DPP8: variants seen among roughly 807,000 people sequenced by gnomAD.
The protein encoded by DPP8 is DPP VIII.
Under a neutral mutation model 107.5 loss-of-function variants are expected in DPP8, and 31 were observed. The observed-to-expected ratio is 0.29, with a 90% CI of 0.22 to 0.39. The LOEUF is 0.39. Ranked by LOEUF, DPP8 falls within the 10% of genes least tolerant of loss-of-function variation. The probability of loss-of-function intolerance (pLI) is 1.00; values close to 1 mark genes in which losing one functional copy is unlikely to be tolerated. For missense variants in DPP8, 842 were observed against 1,076.1 expected (o/e 0.78, Z 3.04); for synonymous variants, 381 against 356.6 (o/e 1.07, Z -0.77).
intron 11 of DPP8, among the ~76,000 whole-genome samples, chr15:65,474,775 T>C (rs950915015): frequency 6.6e-6 from 1 of 152,250 alleles, no homozygotes; most frequent in African/African-American, 2.4e-5. Flanking sequence ...TATTTTTAAA[T>C]GGTTAACTTA....
intron 15 of DPP8, among the ~76,000 whole-genome samples, chr15:65,460,736 G>T: frequency 6.6e-6 from 1 of 152,188 alleles, no homozygotes; most frequent in South Asian, 2.1e-4. Context: ...TTCATCTGTT[G>T]ATGGACACGT....
In DPP8 at chr15:65,467,105, T is replaced by G; in HGVS notation, c.1655A>C (p.Asp552Ala). ...VNPGEVTRLT[D>A]RGYSHSCCIS... ...GCAGCAAGAATGTGAGTAGCCACGG[T>G]CAGTCAGCCTTGTCACCTCTCCAGG... The change falls in exon 13 of 20, where the codon GAC (aspartate) becomes GCC (alanine). Residue 552 changes from aspartate to alanine, a missense_variant. Coordinates refer to ENST00000300141, the MANE Select transcript of DPP8 (RefSeq NM_130434.5). The G allele has an allele frequency of 6.2e-7, 1 of 1,614,178 alleles. No individual in the cohort carries two copies. The highest frequency in any genetic ancestry group is 8.5e-7 in the Non-Finnish European group (1 of 1,180,026).
At chr15:65,492,098 T>C (rs2068095724) in intron 5 of DPP8, among the ~76,000 whole-genome samples, 1 of 151,034 alleles carries the variant, frequency 6.6e-6, no homozygotes, top group Non-Finnish European at 1.5e-5. Flanking sequence ...TCCCAACACT[T>C]TGGGAGGCTG....
chr15:65,502,008 G>A (rs2042083913), intron 3 of DPP8, among the ~76,000 whole-genome samples: 1 of 152,126 alleles, frequency 6.6e-6, no homozygotes, highest in African/African-American at 2.4e-5. Flanking sequence ...TCATGCCTCA[G>A]CCTCCTGAGT....
Position 65,467,323 on chromosome 15 carries a change from T to C in DPP8, c.1537-100A>G, listed in dbSNP as rs949391521. On this transcript the variant is annotated intron_variant, in intron 12 of 19. Coordinates refer to ENST00000300141, the MANE Select transcript of DPP8 (RefSeq NM_130434.5). ...ATCACTTGAGCCACTCCTTGACTTATGCCTTCTTTTTTCTTTTTTTTGCTG... is the reference window on the plus strand; with the variant it reads ...ATCACTTGAGCCACTCCTTGACTTACGCCTTCTTTTTTCTTTTTTTTGCTG... 4.7e-5 allele frequency: 55 copies of C among 1,161,084 alleles called. 1 individual carries two copies. Among genetic ancestry groups the C allele is most frequent in the Non-Finnish European group, 2.0e-5 (16 of 820,120 alleles). The allele number at this position is 1,161,084 out of a possible 1,614,324, so 71.9% of individuals were successfully genotyped here.
At chr15:65,467,325 CCTT>C (rs762667349) in intron 12 of DPP8, 102 bp from the exon 13 acceptor site, 193 of 1,144,880 alleles carry the variant, frequency 1.7e-4, no homozygotes, top group Non-Finnish European at 2.1e-4. Flanking sequence ...TTGACTTATG[CCTT>C]CTTTTTTCTT....
At chr15:65,511,304 T>C (rs1482793685) in intron 2 of DPP8, among the ~76,000 whole-genome samples, 2 of 152,002 alleles carry the variant, frequency 1.3e-5, no homozygotes, top group Non-Finnish European at 2.9e-5. Flanking sequence ...CTGAGCAACA[T>C]GGCAAAACTC....
rs1232435818 is a variant in DPP8 at position 65,446,324 on chromosome 15, G to A, written c.*560C>T. The stretch of plus-strand genomic sequence containing the variant: ...ACAAGTGTCTTTAGGAGGCCACTAA[G>A]TTATCCTTGAAAAATTATTAATGAA... On this transcript the variant is annotated 3_prime_UTR_variant, in exon 20 of 20. Coordinates refer to ENST00000300141, the MANE Select transcript of DPP8 (RefSeq NM_130434.5). 6 of 152,442 alleles carry A rather than the reference G, an allele frequency of 3.9e-5. No individual in the cohort carries two copies. Among genetic ancestry groups the A allele is most frequent in the Non-Finnish European group, 8.8e-5 (6 of 68,008 alleles). The allele number at this position is 152,442 out of a possible 1,614,324, so 9.4% of individuals were successfully genotyped here. A position where few individuals can be genotyped will look rare whatever the true frequency, so the allele number is the denominator to read the frequency against.
intron 2 of DPP8, 151 bp from the exon 3 acceptor site, chr15:65,507,506 C>T (rs1309365608): frequency 3.8e-6 from 2 of 531,378 alleles, no homozygotes; most frequent in Non-Finnish European, 6.6e-6. Flanking sequence ...TGTGCTTATG[C>T]CATATGCCAT....
chr15:65,500,584 A>T, intron 4 of DPP8, 22 bp downstream of exon 4: 1 of 1,607,554 alleles, frequency 6.2e-7, no homozygotes, highest in Non-Finnish European at 8.5e-7. Context: ...ACCAGATTTA[A>T]TCACTAGCAA....
At chr15:65,491,623 T>C (rs1392592945) in intron 5 of DPP8, among the ~76,000 whole-genome samples, 1 of 152,212 alleles carries the variant, frequency 6.6e-6, no homozygotes, top group Non-Finnish European at 1.5e-5. Context: ...CATGTGTCAG[T>C]AGTTAGTTGC....
intron 2 of DPP8, 43 bp from the exon 3 acceptor site, chr15:65,507,398 C>A: frequency 3.1e-6 from 4 of 1,272,536 alleles, no homozygotes; most frequent in Non-Finnish European, 4.6e-6. Context: ...TTTCGAATAG[C>A]ATTCTTACTA....
intron 16 of DPP8, chr15:65,455,568 C>A (rs1309280317): frequency 1.3e-6 from 1 of 761,556 alleles, no homozygotes; most frequent in Non-Finnish European, 1.8e-6. Context: ...CCTACCACCA[C>A]CACCTTGTCT....
At position 65,446,831 on chromosome 15, in the gene DPP8, C is replaced by T. The variant is rs916383441; in HGVS notation, c.*53G>A. 2.0e-6 allele frequency: 3 copies of T among 1,518,294 alleles called. No homozygotes were observed. The highest frequency in any genetic ancestry group is 2.4e-5 in the East Asian group (1 of 42,058). 94.1% of individuals were successfully genotyped at this position (1,518,294 alleles called of 1,614,324 possible). A position where few individuals can be genotyped will look rare whatever the true frequency, so the allele number is the denominator to read the frequency against. ...TCTGTGTTTTCTGTTGATTAAACCT[C>T]CTCATTTGGTTAAATAGCCAGTGTA... On this transcript the variant is annotated 3_prime_UTR_variant, in exon 20 of 20. Transcript: ENST00000300141.
At chr15:65,512,138 C>A (rs1172156174) in intron 2 of DPP8, 157 bp downstream of exon 2, 3 of 780,540 alleles carry the variant, frequency 3.8e-6, no homozygotes, top group Middle Eastern at 2.4e-4. Flanking sequence ...TAATGCGATA[C>A]AACAAAATCG....
At chr15:65,505,078 G>C (rs1486626092) in intron 3 of DPP8, among the ~76,000 whole-genome samples, 2 of 152,052 alleles carry the variant, frequency 1.3e-5, no homozygotes, top group Non-Finnish European at 2.9e-5. Flanking sequence ...GAGCAGGGCC[G>C]GGCGCGGTGG....
At chr15:65,506,079 C>T (rs1386328789) in intron 3 of DPP8, among the ~76,000 whole-genome samples, 2 of 152,018 alleles carry the variant, frequency 1.3e-5, no homozygotes, top group African/African-American at 2.4e-5. Context: ...CACCTGTAAT[C>T]CCAGCACTTT....
At chr15:65,483,681 AG>A (rs1196658496) in intron 8 of DPP8, among the ~76,000 whole-genome samples, 4 of 152,204 alleles carry the variant, frequency 2.6e-5, no homozygotes, top group East Asian at 3.9e-4. Context: ...GTTCCACAAA[AG>A]GTTAAAAAAA....
chr15:65,473,900 G>C (rs2066140719), intron 12 of DPP8, among the ~76,000 whole-genome samples: 1 of 152,090 alleles, frequency 6.6e-6, no homozygotes, highest in Admixed American at 6.6e-5. Flanking sequence ...TCAGGAGTTT[G>C]AGACCAGCCT....
Sources: gnomAD v4.1 joint callset for allele counts (sites outside exome capture counted in the v4.1 genomes callset) on GRCh38, gnomAD v4.1.1 for gene constraint, MANE v1.5 for transcripts, NCBI Gene and HGNC (gene_info 2026-07-23, HGNC 2026-07-21) for gene names.